OTUD7B: variants seen among roughly 807,000 people sequenced by gnomAD.
The protein encoded by OTUD7B is OTU domain-containing protein 7B.
A neutral mutation model predicts 82.2 loss-of-function variants in OTUD7B; 34 were observed. The ratio of observed to expected loss-of-function variants is 0.41; its 90% CI spans 0.31 to 0.55. The LOEUF (loss-of-function observed/expected upper bound fraction) is 0.55, where lower values mean the gene tolerates loss of function less well. Among genes scored for constraint, OTUD7B ranks in the 20% least tolerant of loss-of-function variants. The pLI is 0.20. For missense variants in OTUD7B, 944 were observed against 1,062.1 expected, an observed-to-expected ratio of 0.89 and a Z score of 1.55; for synonymous variants, 398 against 402.7, an observed-to-expected ratio of 0.99 and a Z score of 0.14.
the OTUD7B span, among the ~76,000 whole-genome samples, chr1:150,026,557 G>A: frequency 6.6e-6 from 1 of 152,116 alleles, no homozygotes; most frequent in East Asian, 1.9e-4. Context: ...TATCCTCAGT[G>A]ATTTGTGCAA....
In OTUD7B at chr1:149,946,741, G is replaced by GA. The variant is rs1553772237; in HGVS notation, c.1323+509dup. Among the ~76,000 whole-genome samples the GA allele has an allele frequency of 4.7e-4, 37 of 79,540 alleles. 1 individual carries two copies. The highest frequency in any genetic ancestry group is 1.8e-3 in the African/African-American group (32 of 18,048). 52.2% of individuals were successfully genotyped at this position (79,540 alleles called of 152,430 possible). On this transcript the variant is annotated intron_variant, in intron 11 of 11. Transcript: ENST00000581312. ...TGGCTGACAGAGCAAGACTTCCTCT[G>GA]AAAAAAAAAAAAAAAAAAAGGACAG... is the stretch of plus-strand genomic sequence containing the variant.
In OTUD7B at chr1:149,949,750, G is replaced by T. The variant is rs1648041203; in HGVS notation, c.1002C>A (p.Ile334=). The part of the protein sequence containing the change: ...EAFAPIPFGG[I]YLPLEVPASQ... ...TGGCTGGGACCTCCAAAGGCAGATA[G>T]ATTCCTCCAAAGGGAATAGGGGCAA... Residue 334 remains isoleucine (I), a synonymous_variant, in exon 9 of 12, where the codon ATC becomes ATA. Coordinates refer to ENST00000581312, the MANE Select transcript of OTUD7B (RefSeq NM_020205.4). 6.2e-7 allele frequency: 1 copy of T among 1,614,178 alleles called. No individual in the cohort carries two copies. The highest frequency in any genetic ancestry group is 1.1e-5 in the South Asian group (1 of 91,082).
Position 149,943,899 on chromosome 1 carries a change from C to G in OTUD7B, c.2490G>C (p.Arg830Ser). 6.2e-7 allele frequency: 1 copy of G among 1,614,254 alleles called. No individual in the cohort carries two copies. Among genetic ancestry groups the G allele is most frequent in the Non-Finnish European group, 8.5e-7 (1 of 1,180,046 alleles). The change falls in exon 12 of 12, where the codon AGG becomes AGC. Residue 830 changes from arginine to serine, a missense_variant. Transcript: ENST00000581312. The part of the protein sequence containing the change: ...SCCYREELRR[R>S]EREPDGELLV... ...GGAGCTCCCCATCCGGTTCCCGCTCCCTCCTCCTCAGTTCTTCCCTGTAAC... is the reference window on the plus strand; with the variant it reads ...GGAGCTCCCCATCCGGTTCCCGCTCGCTCCTCCTCAGTTCTTCCCTGTAAC...
Position 149,965,782 on chromosome 1 carries a change from G to A in OTUD7B, c.599C>T (p.Ser200Phe). The A allele has an allele frequency of 1.2e-6, 2 of 1,612,360 alleles. No individual in the cohort carries two copies. The highest frequency in any genetic ancestry group is 2.2e-5 in the East Asian group (1 of 44,878). Residue 200 changes from serine to phenylalanine, a missense_variant, in exon 5 of 12, where the codon TCC becomes TTC. By Grantham distance (155) the Ser-to-Phe change is radical (BLOSUM62 -2). This residue lies in a region of OTUD7B where 530 missense variants were observed against 625.6 expected (regional missense o/e 0.85). Coordinates refer to ENST00000581312, the MANE Select transcript of OTUD7B (RefSeq NM_020205.4). ...GDGNCLLHAASLGMWGFHDRD... is the reference protein window; with the variant it reads ...GDGNCLLHAAFLGMWGFHDRD... ...GGACTGCTTTCAAGACTCACCAAGG[G>A]AGGCTGCATGCAGGAGGCAGTTCCC...
chr1:150,035,283 T>G, the OTUD7B span, among the ~76,000 whole-genome samples: 1 of 152,130 alleles, frequency 6.6e-6, no homozygotes, highest in Non-Finnish European at 1.5e-5. Context: ...ATATTGGTAA[T>G]ACAGTAATCC....
At chr1:150,054,808 C>CAGAA in the OTUD7B span, 2 of 41,712 alleles carry the variant, frequency 4.8e-5, no homozygotes, top group South Asian at 2.0e-3. Flanking sequence ...AACTCAGTCT[C>CAGAA]AAAAAAAAAA....
intron 7 of OTUD7B, among the ~76,000 whole-genome samples, chr1:149,953,082 T>C (rs191494655): frequency 0.014 from 2,158 of 152,352 alleles, 28 homozygotes; most frequent in Non-Finnish European, 0.023. Flanking sequence ...TTGGCTTTTG[T>C]TGCCATTGCT....
At position 149,942,645 on chromosome 1, in the gene OTUD7B, CTT is replaced by C. The variant is rs1160813084; in HGVS notation, c.*1210_*1211del. ...ATCAGTCCTAATATCAAAAATATCT[CTT>C]CTTAGAAAGTATTTTTAATTATTTT... On this transcript the variant is annotated 3_prime_UTR_variant, in exon 12 of 12. Coordinates refer to ENST00000581312, the MANE Select transcript of OTUD7B (RefSeq NM_020205.4). 6 of 152,566 alleles carry C rather than the reference CTT, an allele frequency of 3.9e-5. No homozygotes were observed. The highest frequency in any genetic ancestry group is 3.9e-4 in the Admixed American group (6 of 15,260). The allele number at this position is 152,566 out of a possible 1,614,324, so 9.5% of individuals were successfully genotyped here.
the OTUD7B span, among the ~76,000 whole-genome samples, chr1:150,055,727 T>G: frequency 2.6e-5 from 4 of 152,356 alleles, no homozygotes; most frequent in East Asian, 7.7e-4. Flanking sequence ...GATCATGTCT[T>G]TTGCAGGTAC....
chr1:150,055,586 C>T, the OTUD7B span, among the ~76,000 whole-genome samples: 1 of 152,078 alleles, frequency 6.6e-6, no homozygotes, highest in African/African-American at 2.4e-5. Flanking sequence ...CACATGCACA[C>T]GAATGTTCAT....
the OTUD7B span, among the ~76,000 whole-genome samples, chr1:150,036,711 G>A: frequency 0.015 from 2,227 of 152,198 alleles, 68 homozygotes; most frequent in African/African-American, 0.051. Context: ...ACAAAGGAGC[G>A]GATCTAGAAA....
intron 8 of OTUD7B, 122 bp from the exon 9 acceptor site, chr1:149,949,900 C>T (rs977820721): frequency 1.3e-5 from 17 of 1,294,868 alleles, no homozygotes; most frequent in Non-Finnish European, 1.7e-5. Context: ...ATAATTCTTT[C>T]CTAAGAAGCC....
the OTUD7B span, among the ~76,000 whole-genome samples, chr1:150,045,324 C>T: frequency 6.6e-6 from 1 of 151,758 alleles, no homozygotes; most frequent in East Asian, 1.9e-4. Context: ...GAACTCCTGA[C>T]CTCTAGTGAT....
At position 149,948,978 on chromosome 1, in the gene OTUD7B, C is replaced by T. The variant is rs782231489; in HGVS notation, c.1229G>A (p.Arg410Gln). ...EWGKDDSDNV[R>Q]LASVILSLEV... ...ACTAGGCCTGGCTTACCTGGCCAAT[C>T]GGACATTGTCACTATCATCTTTGCC... The change falls in exon 10 of 12, where the codon CGA (arginine) becomes CAA (glutamine). Residue 410 changes from arginine (R) to glutamine (Q), a missense_variant. Coordinates refer to ENST00000581312, the MANE Select transcript of OTUD7B (RefSeq NM_020205.4). 2.2e-5 allele frequency: 36 copies of T among 1,608,332 alleles called. No homozygotes were observed. The highest frequency in any genetic ancestry group is 2.9e-5 in the Non-Finnish European group (34 of 1,174,818).
rs368390328 is a variant in OTUD7B at position 149,979,646 on chromosome 1, CTCAAATTCAAAATG to C, written c.-66-2084_-66-2071del. Among the ~76,000 whole-genome samples the C allele has an allele frequency of 1.8e-3, 270 of 152,072 alleles. 1 individual carries two copies. Among genetic ancestry groups the C allele is most frequent in the African/African-American group, 6.2e-3 (255 of 41,462 alleles). On this transcript the variant is annotated intron_variant, in intron 1 of 11. Transcript: ENST00000581312. ...ATAAAGAACTTTTGGTCTAAGATAC[CTCAAATTCAAAATG>C]TCAAATTCAAAATGTCAAATTCAAA...
At chr1:149,957,332 T>A (rs6687910) in intron 7 of OTUD7B, among the ~76,000 whole-genome samples, 1 of 151,508 alleles carries the variant, frequency 6.6e-6, no homozygotes, top group Non-Finnish European at 1.5e-5. Flanking sequence ...GTATCACCAG[T>A]GGAGGCTGCA....
At chr1:150,048,918 T>C in the OTUD7B span, among the ~76,000 whole-genome samples, 1 of 152,148 alleles carries the variant, frequency 6.6e-6, no homozygotes, top group African/African-American at 2.4e-5. Flanking sequence ...CGGCAACCTC[T>C]GCCTCACTGG....
Position 149,943,883 on chromosome 1 carries a change from CA to C in OTUD7B, c.2505del (p.Asp835GlufsTer15). On this transcript the variant is annotated frameshift_variant, in exon 12 of 12. Transcript: ENST00000581312. LOFTEE classifies it high-confidence loss of function. ...EELRRREREPDGELLVHRF is the reference protein window; with the variant it reads ...EELRRREREPXGELLVHRF ...CAGAACCTGTGCACCAGGAGCTCCC[CA>C]TCCGGTTCCCGCTCCCTCCTCCTCA... 6.2e-7 allele frequency: 1 copy of C among 1,614,222 alleles called. No individual in the cohort carries two copies. The highest frequency in any genetic ancestry group is 8.5e-7 in the Non-Finnish European group (1 of 1,180,046).
At chr1:149,989,702 G>T in intron 1 of OTUD7B, among the ~76,000 whole-genome samples, 1 of 127,664 alleles carries the variant, frequency 7.8e-6, no homozygotes, top group Non-Finnish European at 1.6e-5. Context: ...TAGTGCCATT[G>T]CACTCCAGCC....
Sources: allele counts gnomAD v4.1 joint callset (sites outside exome capture counted in the v4.1 genomes callset), GRCh38; gene constraint gnomAD v4.1.1; regional missense constraint gnomAD v4.1.1; transcripts MANE v1.5; gene names NCBI Gene and HGNC (gene_info 2026-07-23, HGNC 2026-07-21).